Variants in HLCS observed in about 807,000 individuals in gnomAD.
The protein encoded by HLCS is biotin--protein ligase.
HLCS carries 53 observed loss-of-function variants against 75.0 expected under a neutral mutation model. The ratio of observed to expected loss-of-function variants is 0.71; its 90% confidence interval spans 0.57 to 0.89. HLCS has a LOEUF of 0.89. HLCS is among the 40% of genes least tolerant of loss of function. HLCS has a pLI of 0.00. For synonymous variants in HLCS, 431 were observed against 428.6 expected, an observed-to-expected ratio of 1.01 and a Z score of -0.07; for missense variants, 966 against 1,074.0, an observed-to-expected ratio of 0.90 and a Z score of 1.41.
At chr21:36,911,143 T>C (rs1019081102) in intron 5 of HLCS, among the ~76,000 whole-genome samples, 2 of 152,208 alleles carry the variant, frequency 1.3e-5, no homozygotes, top group Non-Finnish European at 2.9e-5. Flanking sequence ...CAGCAACTCT[T>C]TCCACACAGC....
At position 36,891,468 on chromosome 21, in the gene HLCS, C is replaced by T. The variant is rs2064781518; in HGVS notation, c.1892+5392G>A. Among the ~76,000 whole-genome samples, 3 of 152,266 alleles carry T rather than the reference C, an allele frequency of 2.0e-5. No homozygotes were observed. The Middle Eastern group carries it at 0.01, about 518-fold the overall frequency. On this transcript the variant is annotated intron_variant, in intron 6 of 10. Transcript: ENST00000674895. ...TGCTAGGTCTCAGATTTTATGTATGCCCCAGAAACAAGGCCTAAAAATGCA... is the reference window on the plus strand; with the variant it reads ...TGCTAGGTCTCAGATTTTATGTATGTCCCAGAAACAAGGCCTAAAAATGCA...
At chr21:36,946,718 T>C (rs1279262180) in intron 2 of HLCS, among the ~76,000 whole-genome samples, 1 of 152,106 alleles carries the variant, frequency 6.6e-6, no homozygotes. Context: ...GTGTAGAATA[T>C]TTGGACAAAG....
At chr21:36,771,652 A>G (rs1219432943) in intron 6 of HLCS, among the ~76,000 whole-genome samples, 1 of 152,216 alleles carries the variant, frequency 6.6e-6, no homozygotes, top group Non-Finnish European at 1.5e-5. Context: ...TGATTTAATC[A>G]GGATGCAAAA....
In HLCS at chr21:36,838,724, G is replaced by A. The variant is rs867770531; in HGVS notation, c.1892+58136C>T. On this transcript the variant is annotated intron_variant, in intron 6 of 10. Coordinates refer to ENST00000674895, the MANE Select transcript of HLCS (RefSeq NM_001352514.2). ...GTCTCAAAAGAAAAAAAAAAAAAAA[G>A]AGAGAGACAGAAAAGGAGAAGACAC... Among the ~76,000 whole-genome samples, 33 of 148,236 alleles carry A rather than the reference G, an allele frequency of 2.2e-4. 1 individual carries two copies. In the South Asian group the frequency reaches 6.9e-3, roughly 31 times the overall value.
rs192716695 is a variant in HLCS, at chr21:36,789,229, A to T, written c.1893-21944T>A. ...GCCACCATGCCTGGCTAATTTTTAAATTTTTTCTAGAGACAGGGTCTTGCT... is the reference window on the plus strand; with the variant it reads ...GCCACCATGCCTGGCTAATTTTTAATTTTTTTCTAGAGACAGGGTCTTGCT... On this transcript the variant is annotated intron_variant, in intron 6 of 10. Transcript: ENST00000674895. Among the ~76,000 whole-genome samples, 608 of 151,780 alleles carry T rather than the reference A, an allele frequency of 4.0e-3. 2 individuals are homozygous for T. Among genetic ancestry groups the T allele is most frequent in the Middle Eastern group, 0.01 (3 of 294 alleles).
intron 1 of HLCS, among the ~76,000 whole-genome samples, chr21:36,985,305 G>C (rs896309308): frequency 6.6e-6 from 1 of 152,232 alleles, no homozygotes; most frequent in Non-Finnish European, 1.5e-5. Flanking sequence ...ATCTGGAATA[G>C]TTCCTTAGTC....
chr21:36,784,466 C>A (rs1383312277), intron 6 of HLCS, among the ~76,000 whole-genome samples: 5 of 152,038 alleles, frequency 3.3e-5, no homozygotes, highest in African/African-American at 1.2e-4. Context: ...CAGGCATGTG[C>A]CACCATGCTT....
chr21:36,978,221 C>T (rs368674420), intron 1 of HLCS, among the ~76,000 whole-genome samples: 4 of 152,180 alleles, frequency 2.6e-5, no homozygotes, highest in East Asian at 1.9e-4. Context: ...AGGGGCCAAA[C>T]GCGGTGGTTC....
chr21:36,956,781 G>C (rs886928953), intron 2 of HLCS, among the ~76,000 whole-genome samples: 1 of 151,804 alleles, frequency 6.6e-6, no homozygotes, highest in South Asian at 2.1e-4. Flanking sequence ...AGCCAGAATG[G>C]TGGCTCATGG....
chr21:36,830,973 T>C (rs888663705), intron 6 of HLCS, among the ~76,000 whole-genome samples: 5 of 152,192 alleles, frequency 3.3e-5, no homozygotes, highest in Non-Finnish European at 5.9e-5. Context: ...AGCTTCATCA[T>C]TGTCATCCTC....
intron 6 of HLCS, among the ~76,000 whole-genome samples, chr21:36,825,126 C>T (rs1470378181): frequency 1.3e-5 from 2 of 152,304 alleles, no homozygotes; most frequent in Non-Finnish European, 2.9e-5. Context: ...CAGTGGATCA[C>T]ACCCTAGAAC....
intron 6 of HLCS, among the ~76,000 whole-genome samples, chr21:36,800,191 G>A (rs2061155781): frequency 4.6e-5 from 7 of 152,184 alleles, no homozygotes; most frequent in Admixed American, 4.6e-4. Context: ...ACCATGGTGA[G>A]AGCCTGAGGG....
chr21:36,818,186 G>A (rs559910785), intron 6 of HLCS, among the ~76,000 whole-genome samples: 106 of 152,304 alleles, frequency 7.0e-4, no homozygotes, highest in African/African-American at 1.6e-3. Flanking sequence ...GGTGAGGGGG[G>A]CGGCCAGAAG....
intron 5 of HLCS, among the ~76,000 whole-genome samples, chr21:36,897,608 A>T (rs2065065103): frequency 6.6e-6 from 1 of 152,236 alleles, no homozygotes; most frequent in South Asian, 2.1e-4. Context: ...TCTCAGCCTC[A>T]CATCTTAGAG....
chr21:36,890,456 G>T (rs1388779838), intron 6 of HLCS, among the ~76,000 whole-genome samples: 1 of 152,110 alleles, frequency 6.6e-6, no homozygotes, highest in South Asian at 2.1e-4. Flanking sequence ...TTTTACTCTG[G>T]GGGTGGAGGG....
chr21:36,962,343 C>A lies in HLCS; in HGVS notation c.196-173G>T, dbSNP rs187409757. 1.1e-3 allele frequency among the ~76,000 whole-genome samples: 170 copies of A among 152,298 alleles called. 1 individual carries two copies. The highest frequency in any genetic ancestry group is 1.4e-3 in the Non-Finnish European group (93 of 68,030). The stretch of plus-strand genomic sequence containing the variant: ...CCGTGTGTTTCTTGTTTAGCTGTGA[C>A]TGTTTAAGCACCTGCAAAAGCCCAT... On this transcript the variant is annotated intron_variant, in intron 1 of 10. Coordinates refer to ENST00000674895, the MANE Select transcript of HLCS (RefSeq NM_001352514.2).
At chr21:36,864,170 C>T (rs936607035) in intron 6 of HLCS, among the ~76,000 whole-genome samples, 2 of 152,102 alleles carry the variant, frequency 1.3e-5, no homozygotes, top group South Asian at 2.1e-4. Flanking sequence ...GAGGCTGAGG[C>T]GGGCGGATCA....
chr21:36,761,519 C>G (rs1601123716), intron 8 of HLCS, among the ~76,000 whole-genome samples: 1 of 151,964 alleles, frequency 6.6e-6, no homozygotes, highest in Non-Finnish European at 1.5e-5. Context: ...CTCTCTAGAA[C>G]GGGGGTTCTC....
At chr21:36,966,827 G>C (rs1374271570), upstream of HLCS, among the ~76,000 whole-genome samples, 2 of 146,616 alleles carry the variant, frequency 1.4e-5, no homozygotes, top group African/African-American at 2.5e-5. Context: ...GGGCGGGGGG[G>C]GGTGAGGCCG....
Sources: allele counts gnomAD v4.1 joint callset (sites outside exome capture counted in the v4.1 genomes callset), GRCh38; gene constraint gnomAD v4.1.1; transcripts MANE v1.5; gene names NCBI Gene and HGNC (gene_info 2026-07-23, HGNC 2026-07-21).